The following USP6NL variants were observed in gnomAD, a reference collection of about 807,000 sequenced individuals.
USP6NL encodes USP6 N-terminal-like protein.
Under a neutral mutation model 61.9 loss-of-function variants are expected in USP6NL, and 26 were observed. That is an observed-to-expected ratio of 0.42 (90% CI 0.31 to 0.58). The LOEUF (loss-of-function observed/expected upper bound fraction) is 0.58, where lower values mean the gene tolerates loss of function less well. USP6NL is among the 20% of genes least tolerant of loss of function. The pLI is 0.16. For synonymous variants in USP6NL, 432 were observed against 390.1 expected (o/e 1.11, Z -1.27); for missense variants, 1,114 against 1,034.3 (o/e 1.08, Z -1.06).
rs934129940 is a variant in USP6NL at position 11,490,295 on chromosome 10, C to A, written c.543+537G>T. On this transcript the variant is annotated intron_variant, in intron 9 of 14. Transcript: ENST00000609104. The surrounding 1 kb of genome is among the most constrained non-coding windows in gnomAD (Gnocchi z 4.5). ...TTAAGTCCAACACAAATTAATCTAT[C>A]CCAGATTATCTTCTCCCCCAACAAT... Among the ~76,000 whole-genome samples, 6 of 152,162 alleles carry A rather than the reference C, an allele frequency of 3.9e-5. No homozygotes were observed. The highest frequency in any genetic ancestry group is 7.4e-5 in the Non-Finnish European group (5 of 68,024).
At chr10:11,472,485 A>G (rs1263646676) in intron 14 of USP6NL, among the ~76,000 whole-genome samples, 1 of 152,252 alleles carries the variant, frequency 6.6e-6, no homozygotes, top group Non-Finnish European at 1.5e-5. Flanking sequence ...CACTTTCAAT[A>G]GAAGAATACA....
chr10:11,477,499 A>G (rs1327706098), intron 14 of USP6NL, among the ~76,000 whole-genome samples: 2 of 152,352 alleles, frequency 1.3e-5, no homozygotes, highest in East Asian at 1.9e-4. Context: ...CAAAACAATT[A>G]TATCAGACGG....
Position 11,585,380 on chromosome 10 carries a change from A to C in USP6NL, c.4+12251T>G, listed in dbSNP as rs1279879862. ...CAGAAGAATTGAAAGCAGGGTTCCA[A>C]AGATGTATTTGTACACCCATGGTTC... On this transcript the variant is annotated intron_variant, in intron 2 of 14. Transcript: ENST00000609104. This position sits in a 1 kb window ranked among gnomAD's most constrained non-coding sequence, Gnocchi z 4.5. 6.6e-6 allele frequency among the ~76,000 whole-genome samples: 1 copy of C among 152,220 alleles called. No individual in the cohort carries two copies. The highest frequency in any genetic ancestry group is 1.5e-5 in the Non-Finnish European group (1 of 68,030).
intron 2 of USP6NL, among the ~76,000 whole-genome samples, chr10:11,565,804 A>G (rs1034398413): frequency 1.3e-5 from 2 of 152,204 alleles, no homozygotes; most frequent in Non-Finnish European, 2.9e-5. Flanking sequence ...AAGGAGGAGT[A>G]CATTTCTAAT....
intron 2 of USP6NL, among the ~76,000 whole-genome samples, chr10:11,536,339 A>T (rs1397571017): frequency 6.6e-6 from 1 of 152,140 alleles, no homozygotes; most frequent in Non-Finnish European, 1.5e-5. Flanking sequence ...AGGTCCACAA[A>T]ATCTATCAGG....
At chr10:11,583,634 C>T (rs1176664188) in intron 2 of USP6NL, among the ~76,000 whole-genome samples, 1 of 152,192 alleles carries the variant, frequency 6.6e-6, no homozygotes, top group Non-Finnish European at 1.5e-5. Flanking sequence ...AATATGACTT[C>T]ATTTTCAAAA....
intron 6 of USP6NL, among the ~76,000 whole-genome samples, chr10:11,507,135 T>C (rs1202757937): frequency 2.0e-5 from 3 of 152,234 alleles, no homozygotes; most frequent in Admixed American, 6.5e-5. Flanking sequence ...AATAGCCCAG[T>C]AGAATTGTTC....
chr10:11,539,640 T>A (rs1835973116), intron 2 of USP6NL, among the ~76,000 whole-genome samples: 1 of 152,324 alleles, frequency 6.6e-6, no homozygotes, highest in Admixed American at 6.5e-5. Flanking sequence ...AAGACAAACA[T>A]ATGAGTCACT....
Position 11,481,822 on chromosome 10 carries a change from A to C in USP6NL, c.1026T>G (p.Leu342=). Reference sequence around the variant, plus strand: ...GCTTTAGTTCTGTCATAGAAATCTGAAGTTGCTCTATCACAAAATCATCTT... The same window carrying C: ...GCTTTAGTTCTGTCATAGAAATCTGCAGTTGCTCTATCACAAAATCATCTT... The part of the protein sequence containing the change: ...FFEDDFVIEQ[L]QISMTELKRA... The change falls in exon 14 of 15, where the codon CTT becomes CTG. Residue 342 remains leucine, a synonymous_variant. Transcript: ENST00000609104. The surrounding 1 kb of genome is among the most constrained non-coding windows in gnomAD (Gnocchi z 4.4). 1 of 1,613,286 alleles carries C rather than the reference A, an allele frequency of 6.2e-7. No homozygotes were observed. Among genetic ancestry groups the C allele is most frequent in the Non-Finnish European group, 8.5e-7 (1 of 1,179,592 alleles).
chr10:11,597,620 A>G lies in USP6NL; in HGVS notation c.4+11T>C. On this transcript the variant is annotated intron_variant, in intron 2 of 14. Transcript: ENST00000609104. The surrounding 1 kb of genome is among the most constrained non-coding windows in gnomAD (Gnocchi z 4.6). ...TGAGATGGCTGGAAGGAAAGGAAGC[A>G]GCGCACTTACTCATGACTGGAAATG... is the stretch of plus-strand genomic sequence containing the variant. 6.4e-7 allele frequency: 1 copy of G among 1,551,610 alleles called. No homozygotes were observed. The highest frequency in any genetic ancestry group is 8.7e-7 in the Non-Finnish European group (1 of 1,146,890).
chr10:11,544,851 A>G (rs1836216525), intron 2 of USP6NL, among the ~76,000 whole-genome samples: 1 of 152,226 alleles, frequency 6.6e-6, no homozygotes, highest in African/African-American at 2.4e-5. Context: ...ATAAAAGACC[A>G]AAAACAACAT....
At position 11,481,063 on chromosome 10, in the gene USP6NL, T is replaced by G. The variant is rs1216334385; in HGVS notation, c.1078+707A>C. On this transcript the variant is annotated intron_variant, in intron 14 of 14. Coordinates refer to ENST00000609104, the MANE Select transcript of USP6NL (RefSeq NM_014688.5). This position sits in a 1 kb window ranked among gnomAD's most constrained non-coding sequence, Gnocchi z 4.4. Reference sequence around the variant, plus strand: ...TTTACCCTGCGGCTAGCTCTAGTAATGCCCCATTCACCCTCTGTTATCATT... The same window carrying G: ...TTTACCCTGCGGCTAGCTCTAGTAAGGCCCCATTCACCCTCTGTTATCATT... Among the ~76,000 whole-genome samples, 1 of 152,172 alleles carries G rather than the reference T, an allele frequency of 6.6e-6. No homozygotes were observed. Among genetic ancestry groups the G allele is most frequent in the Non-Finnish European group, 1.5e-5 (1 of 68,042 alleles).
rs1045423273 is a variant in USP6NL at position 11,575,959 on chromosome 10, T to C, written c.4+21672A>G. Among the ~76,000 whole-genome samples the C allele has an allele frequency of 2.6e-5, 4 of 152,148 alleles. No individual in the cohort carries two copies. Among genetic ancestry groups the C allele is most frequent in the African/African-American group, 7.2e-5 (3 of 41,416 alleles). On this transcript the variant is annotated intron_variant, in intron 2 of 14. Transcript: ENST00000609104. The surrounding 1 kb of genome is among the most constrained non-coding windows in gnomAD (Gnocchi z 4.2). ...AGAGGTGAAATTTGAATATAGTCTATAGATTCATCAGTTAATTTCCTAACT... is the reference window on the plus strand; with the variant it reads ...AGAGGTGAAATTTGAATATAGTCTACAGATTCATCAGTTAATTTCCTAACT...
intron 6 of USP6NL, among the ~76,000 whole-genome samples, chr10:11,508,931 T>C (rs1834578062): frequency 6.6e-6 from 1 of 152,252 alleles, no homozygotes; most frequent in Non-Finnish European, 1.5e-5. Flanking sequence ...TTATTGCCAC[T>C]GATGATATTT....
Position 11,513,630 on chromosome 10 carries a change from C to A in USP6NL, c.196-3955G>T, listed in dbSNP as rs957272960. On this transcript the variant is annotated intron_variant, in intron 5 of 14. Coordinates refer to ENST00000609104, the MANE Select transcript of USP6NL (RefSeq NM_014688.5). This position sits in a 1 kb window ranked among gnomAD's most constrained non-coding sequence, Gnocchi z 4.7. ...GGGGGAACTGATCATTAGACAATCA[C>A]GACATGAATAGTTCATCCCTAAATA... Among the ~76,000 whole-genome samples, 5 of 152,170 alleles carry A rather than the reference C, an allele frequency of 3.3e-5. No individual in the cohort carries two copies. Among genetic ancestry groups the A allele is most frequent in the Non-Finnish European group, 7.4e-5 (5 of 68,022 alleles).
chr10:11,525,294 G>A lies in USP6NL; in HGVS notation c.155+92C>T. The A allele has an allele frequency of 9.7e-7, 1 of 1,029,190 alleles. No individual in the cohort carries two copies. The highest frequency in any genetic ancestry group is 2.9e-5 in the East Asian group (1 of 34,700). 63.8% of individuals were successfully genotyped at this position (1,029,190 alleles called of 1,614,324 possible). On this transcript the variant is annotated intron_variant, in intron 4 of 14. Transcript: ENST00000609104. This position sits in a 1 kb window ranked among gnomAD's most constrained non-coding sequence, Gnocchi z 5.0. ...ATTGTAAGACTATTCCTTATTCACAGCAATTATATTAAAAATAAAGAAAAT... is the reference window on the plus strand; with the variant it reads ...ATTGTAAGACTATTCCTTATTCACAACAATTATATTAAAAATAAAGAAAAT...
intron 2 of USP6NL, among the ~76,000 whole-genome samples, chr10:11,571,909 G>A (rs768506644): frequency 4.7e-5 from 7 of 148,932 alleles, no homozygotes; most frequent in Non-Finnish European, 1.0e-4. Context: ...ACAAAAGTCT[G>A]AGAACAAAAG....
chr10:11,519,666 G>A (rs545032944), intron 4 of USP6NL, among the ~76,000 whole-genome samples: 2 of 151,990 alleles, frequency 1.3e-5, no homozygotes, highest in African/African-American at 4.8e-5. Context: ...AAATAAGAAT[G>A]CTTCACTGTC....
intron 2 of USP6NL, among the ~76,000 whole-genome samples, chr10:11,531,600 G>C (rs554093686): frequency 2.6e-5 from 4 of 151,460 alleles, no homozygotes; most frequent in African/African-American, 7.3e-5. Flanking sequence ...TTACAGGAGT[G>C]AGCCACCGCA....
Sources: allele counts gnomAD v4.1 joint callset (sites outside exome capture counted in the v4.1 genomes callset), GRCh38; gene constraint gnomAD v4.1.1; non-coding constraint Gnocchi (gnomAD v3.1); transcripts MANE v1.5; gene names NCBI Gene and HGNC (gene_info 2026-07-23, HGNC 2026-07-21).